SYTL3: variants seen among roughly 807,000 people sequenced by gnomAD.
SYTL3 encodes the protein synaptotagmin like 3.
A neutral mutation model predicts 82.1 loss-of-function variants in SYTL3; 88 were observed. That is an observed-to-expected ratio of 1.07 (90% CI 0.90 to 1.28). The LOEUF (loss-of-function observed/expected upper bound fraction) is 1.28, where lower values mean the gene tolerates loss of function less well. Ranked by LOEUF, SYTL3 falls within the 50% of genes most tolerant of loss-of-function variation. The pLI is 0.00. For missense variants in SYTL3, 831 were observed against 757.6 expected (o/e 1.10, Z -1.14); for synonymous variants, 311 against 289.4 (o/e 1.07, Z -0.76).
intron 11 of SYTL3, chr6:158,726,840 G>A (rs1477581214): frequency 6.6e-6 from 1 of 151,808 alleles, no homozygotes; most frequent in Non-Finnish European, 1.5e-5. Context: ...GTGTTCCTAG[G>A]TTGAACTTTC....
chr6:158,655,035 C>T (rs1666836668), intron 2 of SYTL3, among the ~76,000 whole-genome samples: 1 of 152,110 alleles, frequency 6.6e-6, no homozygotes, highest in African/African-American at 2.4e-5. Flanking sequence ...GTGCTTGGGA[C>T]ATCATAGAGC....
At chr6:158,693,841 T>G (rs533381780) in intron 6 of SYTL3, among the ~76,000 whole-genome samples, 1 of 103,306 alleles carries the variant, frequency 9.7e-6, no homozygotes, top group African/African-American at 5.3e-5. Flanking sequence ...GCATCCAGCC[T>G]TTCTTTTTCT....
chr6:158,680,402 C>T (rs982838634), intron 5 of SYTL3, among the ~76,000 whole-genome samples: 1 of 152,198 alleles, frequency 6.6e-6, no homozygotes, highest in Admixed American at 6.5e-5. Context: ...CAGTTGTACA[C>T]TTTATATATT....
At chr6:158,677,148 A>C (rs898557144) in intron 5 of SYTL3, among the ~76,000 whole-genome samples, 1 of 152,228 alleles carries the variant, frequency 6.6e-6, no homozygotes, top group African/African-American at 2.4e-5. Flanking sequence ...AAAGACTTGG[A>C]ACCAACCCAA....
chr6:158,672,343 T>C (rs1777488809), intron 5 of SYTL3, among the ~76,000 whole-genome samples: 1 of 152,188 alleles, frequency 6.6e-6, no homozygotes, highest in Non-Finnish European at 1.5e-5. Flanking sequence ...TTCCACGTCA[T>C]TGCGTATTTG....
intron 16 of SYTL3, 42 bp from the exon 17 acceptor site, chr6:158,763,262 G>C (rs373723948): frequency 6.3e-7 from 1 of 1,592,222 alleles, no homozygotes; most frequent in Non-Finnish European, 8.6e-7. Context: ...AGAGAAGGCC[G>C]TGTGGATGGC....
At chr6:158,764,318 C>A (rs1790460035) in intron 17 of SYTL3, among the ~76,000 whole-genome samples, 177 bp from the exon 18 acceptor site, 1 of 152,202 alleles carries the variant, frequency 6.6e-6, no homozygotes, top group Non-Finnish European at 1.5e-5. Context: ...GAATCCCAGT[C>A]TCAACACCAG....
intron 11 of SYTL3, chr6:158,726,338 G>T: frequency 2.7e-6 from 1 of 370,646 alleles, no homozygotes; most frequent in Non-Finnish European, 5.2e-6. Context: ...ACTTCAAGAT[G>T]TCCCCTGCAT....
intron 15 of SYTL3, 51 bp from the exon 16 acceptor site, chr6:158,762,025 C>G (rs1790046422): frequency 7.3e-7 from 1 of 1,371,388 alleles, no homozygotes. Context: ...GTACTGCATA[C>G]TAACGTATCA....
At chr6:158,736,070 C>T (rs1786109018) in intron 11 of SYTL3, among the ~76,000 whole-genome samples, 1 of 152,174 alleles carries the variant, frequency 6.6e-6, no homozygotes, top group South Asian at 2.1e-4. Flanking sequence ...CTGTCAACAA[C>T]GGCCGGGCGC....
rs1268396375 is a variant in SYTL3, at chr6:158,718,145, C to T, written c.654C>T (p.Pro218=). Residue 218 remains proline, a synonymous_variant, in exon 10 of 18, where the codon CCC becomes CCT. Transcript: ENST00000611299. ...AGAAGCATCTTCTCGCCACGGGCCC[C>T]AGGCAGTGTGTGGGACAGACAGAGA... The part of the protein sequence containing the change: ...TSEKHLLATG[P]RQCVGQTERR... 4 of 1,546,822 alleles carry T rather than the reference C, an allele frequency of 2.6e-6. No homozygotes were observed. The highest frequency in any genetic ancestry group is 1.2e-5 in the South Asian group (1 of 83,470).
chr6:158,738,090 C>G (rs1786452919), intron 11 of SYTL3, among the ~76,000 whole-genome samples: 1 of 152,210 alleles, frequency 6.6e-6, no homozygotes, highest in Non-Finnish European at 1.5e-5. Flanking sequence ...TGCACACCAA[C>G]AGCTGCACAC....
intron 11 of SYTL3, chr6:158,726,341 C>G: frequency 2.8e-6 from 1 of 361,570 alleles, no homozygotes; most frequent in South Asian, 2.7e-5. Flanking sequence ...TCAAGATGTC[C>G]CCTGCATGAA....
At position 158,665,515 on chromosome 6, in the gene SYTL3, C is replaced by T. The variant is rs148016799; in HGVS notation, c.231C>T (p.Gly77=). Residue 77 remains glycine (G), a synonymous_variant, in exon 5 of 18, where the codon GGC becomes GGT. Coordinates refer to ENST00000611299, the MANE Select transcript of SYTL3 (RefSeq NM_001242394.2). The stretch of plus-strand genomic sequence containing the variant: ...TGCTGGGGTTCCTGCTGCACCGGGG[C>T]GCCGTGTGCCGGGGCTGCAGCCACC... The part of the protein sequence containing the change: ...QQVLGFLLHR[G]AVCRGCSHRV... 1.0e-4 allele frequency: 164 copies of T among 1,593,828 alleles called. No homozygotes were observed. The highest frequency in any genetic ancestry group is 1.3e-4 in the Non-Finnish European group (150 of 1,170,882).
chr6:158,762,750 C>G (rs1478411191), intron 16 of SYTL3, among the ~76,000 whole-genome samples: 2 of 152,112 alleles, frequency 1.3e-5, no homozygotes, highest in African/African-American at 4.8e-5. Flanking sequence ...AACCCCATCT[C>G]TACTAAAAAT....
Position 158,757,138 on chromosome 6 carries a change from G to C in SYTL3, c.1138-73G>C, listed in dbSNP as rs1789227623. 2.1e-6 allele frequency: 3 copies of C among 1,453,412 alleles called. No individual in the cohort carries two copies. In the South Asian group the frequency reaches 3.9e-5, roughly 19 times the overall value. The allele number at this position is 1,453,412 out of a possible 1,614,324, so 90.0% of individuals were successfully genotyped here. A position where few individuals can be genotyped will look rare whatever the true frequency, so the allele number is the denominator to read the frequency against. On this transcript the variant is annotated intron_variant, in intron 13 of 17. Transcript: ENST00000611299. ...CCGGGAAGTGGGGCCCTGGAAGGTG[G>C]GGTCCAGAGATGGGGATCCTAGGAG...
chr6:158,660,474 G>A lies in SYTL3; in HGVS notation c.-636-795G>A, dbSNP rs147658604. Reference sequence around the variant, plus strand: ...GGCGTTTCCCACACTTGCACCTGGGGCCCACAGGCGGGGGTTTGGGAAAGT... The same window carrying A: ...GGCGTTTCCCACACTTGCACCTGGGACCCACAGGCGGGGGTTTGGGAAAGT... On this transcript the variant is annotated intron_variant, in intron 2 of 17. Transcript: ENST00000611299. 4.8e-3 allele frequency among the ~76,000 whole-genome samples: 732 copies of A among 152,346 alleles called. 6 individuals are homozygous for A. The highest frequency in any genetic ancestry group is 0.017 in the African/African-American group (686 of 41,574).
intron 5 of SYTL3, 25 bp downstream of exon 5, chr6:158,665,638 C>T (rs769139328): frequency 1.4e-5 from 21 of 1,509,104 alleles, no homozygotes; most frequent in Non-Finnish European, 1.9e-5. Flanking sequence ...TGGTTGGATC[C>T]CTCCCACTGA....
intron 5 of SYTL3, among the ~76,000 whole-genome samples, chr6:158,672,013 A>G (rs927158403): frequency 6.6e-6 from 1 of 151,996 alleles, no homozygotes; most frequent in African/African-American, 2.4e-5. Context: ...TGCCTCCTTA[A>G]GAAGTTTTTC....
Sources: gnomAD v4.1 joint callset for allele counts (sites outside exome capture counted in the v4.1 genomes callset) on GRCh38, gnomAD v4.1.1 for gene constraint, MANE v1.5 for transcripts, NCBI Gene and HGNC (gene_info 2026-07-23, HGNC 2026-07-21) for gene names.